ITPKB: variants seen among roughly 807,000 people sequenced by gnomAD.
ITPKB encodes the protein inositol-trisphosphate 3-kinase B, also known as IP3 3-kinase B.
In ITPKB, 13 loss-of-function variants were observed where a neutral mutation model predicts 69.4. The observed-to-expected ratio is 0.19, with a 90% confidence interval of 0.12 to 0.30. ITPKB has a LOEUF of 0.30. Among genes scored for constraint, ITPKB ranks in the 10% least tolerant of loss-of-function variants. The pLI is 1.00. For missense variants in ITPKB, 1,240 were observed against 1,250.5 expected (o/e 0.99, Z 0.13); for synonymous variants, 584 against 513.7 (o/e 1.14, Z -1.85).
At position 226,663,429 on chromosome 1, in the gene ITPKB, C is replaced by T. The variant is rs189577154; in HGVS notation, c.1933-14658G>A. On this transcript the variant is annotated intron_variant, in intron 2 of 7. Coordinates refer to ENST00000429204, the MANE Select transcript of ITPKB (RefSeq NM_002221.4). The stretch of plus-strand genomic sequence containing the variant: ...ACGCCCTACTGCAGCCAGGTTCTCC[C>T]GCCCACCGGGAGCAGGGACACCCTG... 4.0e-3 allele frequency among the ~76,000 whole-genome samples: 611 copies of T among 152,310 alleles called. 5 individuals carry two copies. The highest frequency in any genetic ancestry group is 5.6e-3 in the Non-Finnish European group (383 of 68,038).
At chr1:226,726,263 G>A (rs554340726) in intron 2 of ITPKB, among the ~76,000 whole-genome samples, 6 of 152,324 alleles carry the variant, frequency 3.9e-5, no homozygotes, top group African/African-American at 1.4e-4. Flanking sequence ...ATTCTCAGAG[G>A]AGGTCTTGAG....
At chr1:226,681,987 A>T (rs1274222799) in intron 2 of ITPKB, among the ~76,000 whole-genome samples, 1 of 152,210 alleles carries the variant, frequency 6.6e-6, no homozygotes, top group Non-Finnish European at 1.5e-5. Context: ...GTCCACCTAA[A>T]GGCCTGGCTG....
chr1:226,698,161 C>A (rs1166725836), intron 2 of ITPKB, among the ~76,000 whole-genome samples: 1 of 151,926 alleles, frequency 6.6e-6, no homozygotes, highest in African/African-American at 2.4e-5. Flanking sequence ...AGGGCAGAAG[C>A]TCTGTTTGAT....
rs773771846 is a variant in ITPKB, at chr1:226,634,799, G to A, written c.2713C>T (p.Pro905Ser). The change falls in exon 8 of 8, where the codon CCT (proline) becomes TCT (serine). Residue 905 changes from proline (P) to serine (S), a missense_variant. By Grantham distance (74) the Pro-to-Ser change is moderately conservative. This residue lies in a region of ITPKB where 248 missense variants were observed against 396.7 expected (regional missense o/e 0.63). Transcript: ENST00000429204. This position sits in a 1 kb window ranked among gnomAD's most constrained non-coding sequence, Gnocchi z 6.3. ...MIDFGKTTPL[P>S]EGQTLQHDVP... is the part of the protein sequence containing the mutation. Reference sequence around the variant, plus strand: ...TCATGCTGCAGGGTCTGGCCCTCAGGCAGGGGCGTGGTTTTCCCAAAGTCG... The same window carrying A: ...TCATGCTGCAGGGTCTGGCCCTCAGACAGGGGCGTGGTTTTCCCAAAGTCG... 9 of 1,605,208 alleles carry A rather than the reference G, an allele frequency of 5.6e-6. No homozygotes were observed. Among genetic ancestry groups the A allele is most frequent in the South Asian group, 1.1e-5 (1 of 90,914 alleles).
chr1:226,671,998 A>G (rs1320182940), intron 2 of ITPKB, among the ~76,000 whole-genome samples: 1 of 152,188 alleles, frequency 6.6e-6, no homozygotes, highest in African/African-American at 2.4e-5. Context: ...TTATGTTCTA[A>G]AAGGCTCACG....
chr1:226,736,932 G>A lies in ITPKB; in HGVS notation c.527C>T (p.Ser176Phe), dbSNP rs1205475792. ...SPRLGRARSPSPCPFRSSSQP... is the reference protein window; with the variant it reads ...SPRLGRARSPFPCPFRSSSQP... ...ACTGCTGCTGCGGAAGGGGCACGGG[G>A]AGGGCGAGCGAGCCCTGCCCAAACG... is the stretch of plus-strand genomic sequence containing the variant. The change falls in exon 2 of 8, where the codon TCC (serine) becomes TTC (phenylalanine). Residue 176 changes from serine (S) to phenylalanine (F), a missense_variant. Ser to Phe is a radical substitution (Grantham distance 155). This residue lies in a region of ITPKB where 992 missense variants were observed against 853.8 expected (regional missense o/e 1.16). Coordinates refer to ENST00000429204, the MANE Select transcript of ITPKB (RefSeq NM_002221.4). The A allele has an allele frequency of 6.2e-7, 1 of 1,610,924 alleles. No homozygotes were observed. Among genetic ancestry groups the A allele is most frequent in the Non-Finnish European group, 8.5e-7 (1 of 1,179,996 alleles).
At chr1:226,658,305 G>A (rs1669335095) in intron 2 of ITPKB, among the ~76,000 whole-genome samples, 2 of 152,232 alleles carry the variant, frequency 1.3e-5, no homozygotes, top group Admixed American at 6.5e-5. Context: ...GGCCCAGCTG[G>A]GTTGGCGGCA....
chr1:226,667,767 A>C (rs1319804480), intron 2 of ITPKB, among the ~76,000 whole-genome samples: 1 of 152,224 alleles, frequency 6.6e-6, no homozygotes, highest in Non-Finnish European at 1.5e-5. Flanking sequence ...AAAATTAAAA[A>C]TTAAGGAAGC....
At chr1:226,729,812 T>A (rs541604909) in intron 2 of ITPKB, among the ~76,000 whole-genome samples, 3 of 152,054 alleles carry the variant, frequency 2.0e-5, no homozygotes, top group African/African-American at 7.2e-5. Flanking sequence ...CTAGGCTGGT[T>A]TCGAACTCCT....
chr1:226,668,526 T>A (rs1336464718), intron 2 of ITPKB, among the ~76,000 whole-genome samples: 1 of 152,204 alleles, frequency 6.6e-6, no homozygotes, highest in East Asian at 1.9e-4. Context: ...CCAGACCACT[T>A]GGGAGTTTCT....
intron 2 of ITPKB, among the ~76,000 whole-genome samples, chr1:226,720,103 T>A (rs1444012358): frequency 6.6e-6 from 1 of 152,264 alleles, no homozygotes; most frequent in African/African-American, 2.4e-5. Flanking sequence ...ATCCCTTTTT[T>A]AAACAAAGGC....
chr1:226,669,233 T>G (rs2102764708), intron 2 of ITPKB: 1 of 152,158 alleles, frequency 6.6e-6, no homozygotes, highest in South Asian at 2.1e-4. Flanking sequence ...CTGGCCAACA[T>G]GGTGAAACTC....
Position 226,735,888 on chromosome 1 carries a change from G to A in ITPKB, c.1571C>T (p.Thr524Ile), listed in dbSNP as rs1403039562. Residue 524 changes from threonine to isoleucine, a missense_variant, in exon 2 of 8, where the codon ACA becomes ATA. This residue lies in a region of ITPKB where 992 missense variants were observed against 853.8 expected (regional missense o/e 1.16). Coordinates refer to ENST00000429204, the MANE Select transcript of ITPKB (RefSeq NM_002221.4). Reference protein sequence around the residue: ...EKAGLAWTRGTGVQSEGTWES... With the variant: ...EKAGLAWTRGIGVQSEGTWES... ...CCAAGTCCCCTCTGATTGCACCCCT[G>A]TGCCACGCGTCCAAGCCAAACCGGC... is the stretch of plus-strand genomic sequence containing the variant. The A allele has an allele frequency of 5.0e-6, 8 of 1,612,452 alleles. No individual in the cohort carries two copies. Among genetic ancestry groups the A allele is most frequent in the African/African-American group, 4.0e-5 (3 of 75,014 alleles).
chr1:226,708,890 G>A (rs1265210975), intron 2 of ITPKB, among the ~76,000 whole-genome samples: 1 of 152,268 alleles, frequency 6.6e-6, no homozygotes, highest in Non-Finnish European at 1.5e-5. Context: ...AGGCCTGGCA[G>A]GCCATGCTGC....
At chr1:226,662,073 G>A (rs1322312882) in intron 2 of ITPKB, among the ~76,000 whole-genome samples, 1 of 152,154 alleles carries the variant, frequency 6.6e-6, no homozygotes, top group African/African-American at 2.4e-5. Flanking sequence ...GAGGCAGCCT[G>A]GCAGGAGAGC....
chr1:226,654,497 T>G (rs1669251128), intron 2 of ITPKB, among the ~76,000 whole-genome samples: 2 of 152,126 alleles, frequency 1.3e-5, no homozygotes, highest in Admixed American at 6.6e-5. Flanking sequence ...GGGAATCTAC[T>G]CCCTGGGGGC....
intron 2 of ITPKB, among the ~76,000 whole-genome samples, chr1:226,675,237 G>A (rs1669707554): frequency 6.6e-6 from 1 of 151,898 alleles, no homozygotes; most frequent in Non-Finnish European, 1.5e-5. Context: ...GGAAGTGGTT[G>A]CTATAACCCC....
At position 226,641,486 on chromosome 1, in the gene ITPKB, G is replaced by C. The variant is rs1356913685; in HGVS notation, c.2451+435C>G. Among the ~76,000 whole-genome samples the C allele has an allele frequency of 1.3e-5, 2 of 152,256 alleles. No homozygotes were observed. The highest frequency in any genetic ancestry group is 4.8e-5 in the African/African-American group (2 of 41,470). ...AAAAAAGATCGAAGAGCAAAGCAGA[G>C]AGAATGCAGTTTCTCAGAGACCCTG... is the stretch of plus-strand genomic sequence containing the variant. On this transcript the variant is annotated intron_variant, in intron 5 of 7. Transcript: ENST00000429204. This position sits in a 1 kb window ranked among gnomAD's most constrained non-coding sequence, Gnocchi z 4.6.
rs561680456 is a variant in ITPKB, at chr1:226,699,220, T to A, written c.1932+36307A>T. ...CTGAAGGCAATGCCTCCTGGTCACA[T>A]CAGCAATGCTATAGAGAAAGGAAAG... On this transcript the variant is annotated intron_variant, in intron 2 of 7. Coordinates refer to ENST00000429204, the MANE Select transcript of ITPKB (RefSeq NM_002221.4). Among the ~76,000 whole-genome samples, 9 of 152,230 alleles carry A rather than the reference T, an allele frequency of 5.9e-5. No individual in the cohort carries two copies. In the South Asian group the frequency reaches 1.9e-3, roughly 32 times the overall value.
Sources: allele counts gnomAD v4.1 joint callset (sites outside exome capture counted in the v4.1 genomes callset), GRCh38; gene constraint gnomAD v4.1.1; regional missense constraint gnomAD v4.1.1; non-coding constraint Gnocchi (gnomAD v3.1); transcripts MANE v1.5; gene names NCBI Gene and HGNC (gene_info 2026-07-23, HGNC 2026-07-21).